Variants in NFYC observed in about 807,000 individuals in gnomAD.
NFYC encodes the protein CAAT box DNA-binding protein subunit C.
NFYC carries 25 observed loss-of-function variants against 53.1 expected under a neutral mutation model. The ratio of observed to expected loss-of-function variants is 0.47; its 90% CI spans 0.34 to 0.66. The LOEUF (loss-of-function observed/expected upper bound fraction) is 0.66, where lower values mean the gene tolerates loss of function less well. Among genes scored for constraint, NFYC ranks in the 30% least tolerant of loss-of-function variants. The probability of loss-of-function intolerance (pLI) is 0.01; values close to 1 mark genes in which losing one functional copy is unlikely to be tolerated. For synonymous variants in NFYC, 145 were observed against 152.6 expected, an observed-to-expected ratio of 0.95 and a Z score of 0.37; for missense variants, 260 against 422.7, an observed-to-expected ratio of 0.62 and a Z score of 3.38.
rs1645978293 is a variant in NFYC, at chr1:40,752,610, C to CA, written c.292-539dup. Among the ~76,000 whole-genome samples, 4 of 151,954 alleles carry CA rather than the reference C, an allele frequency of 2.6e-5. No individual in the cohort carries two copies. The South Asian group carries it at 8.3e-4, about 32-fold the overall frequency. ...TTTTTTATTTGGGAATTCAGAACTG[C>CA]AATGATAAACCCATGGTTTAAGTAT... On this transcript the variant is annotated intron_variant, in intron 4 of 9. Coordinates refer to ENST00000447388, the MANE Select transcript of NFYC (RefSeq NM_014223.5).
intron 2 of NFYC, among the ~76,000 whole-genome samples, chr1:40,741,315 T>C (rs1274585547): frequency 6.6e-6 from 1 of 152,246 alleles, no homozygotes; most frequent in Non-Finnish European, 1.5e-5. Flanking sequence ...CTCAACACTT[T>C]ACTATAAAAT....
intron 8 of NFYC, chr1:40,767,121 T>G: frequency 2.7e-6 from 2 of 740,838 alleles, no homozygotes; most frequent in Middle Eastern, 2.4e-4. Context: ...TACCTCCTCT[T>G]GCATCCCTAA....
intron 1 of NFYC, among the ~76,000 whole-genome samples, chr1:40,721,008 C>CG (rs1197898911): frequency 4.0e-5 from 6 of 151,550 alleles, no homozygotes; most frequent in Non-Finnish European, 7.4e-5. Flanking sequence ...GTCTTACAAA[C>CG]GGGGGAAAAA....
intron 1 of NFYC, chr1:40,723,405 A>G (rs1325448791): frequency 6.6e-6 from 1 of 152,174 alleles, no homozygotes; most frequent in African/African-American, 2.4e-5. Context: ...CATTCTTCCT[A>G]CAAGGATTTA....
intron 1 of NFYC, among the ~76,000 whole-genome samples, chr1:40,693,788 T>G (rs1642974504): frequency 6.6e-6 from 1 of 152,210 alleles, no homozygotes; most frequent in Admixed American, 6.5e-5. Flanking sequence ...TTCCAGATAA[T>G]TTTGTATTTC....
chr1:40,766,832 C>A, intron 8 of NFYC, 129 bp downstream of exon 8: 1 of 1,489,274 alleles, frequency 6.7e-7, no homozygotes, highest in Non-Finnish European at 9.2e-7. Context: ...CCCCCACACC[C>A]TCCATATCCT....
chr1:40,739,982 G>T (rs984684067), intron 2 of NFYC, among the ~76,000 whole-genome samples: 23 of 152,302 alleles, frequency 1.5e-4, no homozygotes, highest in Middle Eastern at 3.4e-3. Flanking sequence ...TTTAGTGGAG[G>T]TTGAGGGAAG....
At chr1:40,746,786 G>A (rs1645629339) in intron 2 of NFYC, among the ~76,000 whole-genome samples, 1 of 152,220 alleles carries the variant, frequency 6.6e-6, no homozygotes, top group Non-Finnish European at 1.5e-5. Flanking sequence ...GAGTAGTGCT[G>A]ATCAAAAAAG....
chr1:40,769,510 G>A, intron 9 of NFYC, 95 bp downstream of exon 9: 1 of 982,204 alleles, frequency 1.0e-6, no homozygotes, highest in Non-Finnish European at 1.6e-6. Context: ...CAACTGTCCT[G>A]TCCTCTACTA....
In NFYC at chr1:40,770,685, C is replaced by T. The variant is rs1251366830; in HGVS notation, c.889-24C>T. 1 of 1,613,988 alleles carries T rather than the reference C, an allele frequency of 6.2e-7. No individual in the cohort carries two copies. The highest frequency in any genetic ancestry group is 1.7e-5 in the Admixed American group (1 of 60,006). Reference sequence around the variant, plus strand: ...TGCCCCTCTCCCAGGGATGACCTCACTCTCTCCTCTCCACCCCTCGCAGCA... The same window carrying T: ...TGCCCCTCTCCCAGGGATGACCTCATTCTCTCCTCTCCACCCCTCGCAGCA... On this transcript the variant is annotated intron_variant, in intron 9 of 9. Coordinates refer to ENST00000447388, the MANE Select transcript of NFYC (RefSeq NM_014223.5). The surrounding 1 kb of genome is among the most constrained non-coding windows in gnomAD (Gnocchi z 5.3).
At chr1:40,737,184 T>A (rs927669775) in intron 1 of NFYC, among the ~76,000 whole-genome samples, 7 of 151,612 alleles carry the variant, frequency 4.6e-5, no homozygotes, top group African/African-American at 1.7e-4. Context: ...CCCCAGGCAT[T>A]TCAGAATTTC....
chr1:40,769,962 C>CA (rs1378644119), intron 9 of NFYC, among the ~76,000 whole-genome samples: 1 of 152,156 alleles, frequency 6.6e-6, no homozygotes, highest in Non-Finnish European at 1.5e-5. Flanking sequence ...ATGACATGCC[C>CA]AAACTTGTGC....
intron 3 of NFYC, among the ~76,000 whole-genome samples, chr1:40,749,306 A>G (rs574738180): frequency 6.6e-6 from 1 of 152,054 alleles, no homozygotes; most frequent in African/African-American, 2.4e-5. Flanking sequence ...ATCTCTCTTG[A>G]CCCCTAGTTT....
chr1:40,754,565 A>G (rs1646106304), intron 5 of NFYC: 2 of 385,406 alleles, frequency 5.2e-6, no homozygotes, highest in African/African-American at 2.1e-5. Flanking sequence ...AACTCAGGCC[A>G]TTTATCTTCC....
chr1:40,765,786 G>A (rs1394993518), intron 7 of NFYC, among the ~76,000 whole-genome samples: 1 of 152,166 alleles, frequency 6.6e-6, no homozygotes, highest in African/African-American at 2.4e-5. Context: ...TTCATCCCCA[G>A]CTCAAAACAC....
At chr1:40,721,398 C>G (rs537832511) in intron 1 of NFYC, among the ~76,000 whole-genome samples, 1 of 152,236 alleles carries the variant, frequency 6.6e-6, no homozygotes, top group African/African-American at 2.4e-5. Flanking sequence ...CAAACAGAAT[C>G]TTTTGCTTGG....
At chr1:40,692,007 C>T in intron 1 of NFYC, 140 bp downstream of exon 1, 1 of 264,014 alleles carries the variant, frequency 3.8e-6, no homozygotes, top group Non-Finnish European at 7.7e-6. Flanking sequence ...TGCCCGCCGC[C>T]ATGTTGTGCT....
intron 2 of NFYC, among the ~76,000 whole-genome samples, chr1:40,743,664 A>T (rs1645464756): frequency 6.6e-6 from 1 of 152,304 alleles, no homozygotes; most frequent in Admixed American, 6.5e-5. Flanking sequence ...ATCAAATCAG[A>T]TAACTGTTTA....
chr1:40,747,986 C>T (rs1041144701), intron 3 of NFYC, among the ~76,000 whole-genome samples: 1 of 151,976 alleles, frequency 6.6e-6, no homozygotes, highest in Admixed American at 6.6e-5. Flanking sequence ...CAGGCGCCCG[C>T]CACCACACCT....
Sources: gnomAD v4.1 joint callset for allele counts (sites outside exome capture counted in the v4.1 genomes callset) on GRCh38, gnomAD v4.1.1 for gene constraint, Gnocchi (gnomAD v3.1) non-coding constraint, MANE v1.5 for transcripts, NCBI Gene and HGNC (gene_info 2026-07-23, HGNC 2026-07-21) for gene names.